Variants in RBFOX3 observed in about 807,000 individuals in gnomAD.
RBFOX3 encodes RNA binding protein fox-1 homolog 3.
Under a neutral mutation model 48.7 loss-of-function variants are expected in RBFOX3, and 17 were observed. The ratio of observed to expected loss-of-function variants is 0.35; its 90% confidence interval spans 0.24 to 0.52. The LOEUF (loss-of-function observed/expected upper bound fraction) is 0.52. Among genes scored for constraint, RBFOX3 ranks in the 20% least tolerant of loss-of-function variants. The pLI is 0.94. For missense variants in RBFOX3, 382 were observed against 497.5 expected, an observed-to-expected ratio of 0.77 and a Z score of 2.21; for synonymous variants, 212 against 209.5, an observed-to-expected ratio of 1.01 and a Z score of -0.10.
chr17:79,645,159 C>T, the RBFOX3 span, among the ~76,000 whole-genome samples: 2 of 152,136 alleles, frequency 1.3e-5, no homozygotes, highest in South Asian at 2.1e-4. Flanking sequence ...GTGAAGCCCC[C>T]GAACGGTCTC....
intron 2 of RBFOX3, among the ~76,000 whole-genome samples, chr17:79,381,292 A>T (rs1716232122): frequency 6.6e-6 from 1 of 151,998 alleles, no homozygotes; most frequent in Non-Finnish European, 1.5e-5. Flanking sequence ...GAAACACGTG[A>T]GATTCATGTT....
At chr17:79,472,798 C>G (rs2077213422) in intron 2 of RBFOX3, among the ~76,000 whole-genome samples, 1 of 152,236 alleles carries the variant, frequency 6.6e-6, no homozygotes, top group African/African-American at 2.4e-5. Context: ...TCAAACGTGA[C>G]AAGTTCTGTG....
chr17:79,426,718 C>T (rs2067462510), intron 2 of RBFOX3, among the ~76,000 whole-genome samples: 2 of 151,420 alleles, frequency 1.3e-5, no homozygotes, highest in African/African-American at 4.9e-5. Context: ...TGTTTTTTTG[C>T]TTTGAGACAG....
chr17:79,373,626 C>T (rs79809207), intron 2 of RBFOX3, among the ~76,000 whole-genome samples: 2,788 of 148,626 alleles, frequency 0.019, 84 homozygotes, highest in African/African-American at 0.064. Context: ...TTTTACAGCC[C>T]ACACTGGAGG....
At chr17:79,328,799 T>C (rs924285338) in intron 2 of RBFOX3, among the ~76,000 whole-genome samples, 2 of 152,166 alleles carry the variant, frequency 1.3e-5, no homozygotes, top group African/African-American at 2.4e-5. Flanking sequence ...TCCTGCACTT[T>C]GTAAAATTAA....
At chr17:79,512,889 C>T (rs1201654607) in intron 1 of RBFOX3, among the ~76,000 whole-genome samples, 15 of 148,292 alleles carry the variant, frequency 1.0e-4, no homozygotes, top group South Asian at 2.2e-4. Context: ...GTATTACCAT[C>T]GGCTACGGCC....
intron 4 of RBFOX3, among the ~76,000 whole-genome samples, chr17:79,215,028 A>G (rs1276296150): frequency 6.6e-6 from 1 of 152,098 alleles, no homozygotes; most frequent in Non-Finnish European, 1.5e-5. Flanking sequence ...CAGCGGCTGC[A>G]GGGCTTGGGG....
At chr17:79,213,204 T>C (rs1472761855) in intron 4 of RBFOX3, among the ~76,000 whole-genome samples, 4 of 152,186 alleles carry the variant, frequency 2.6e-5, no homozygotes, top group African/African-American at 9.7e-5. Context: ...AAAGTTCCCC[T>C]GTTTCTCTTG....
At chr17:79,645,078 C>A in the RBFOX3 span, among the ~76,000 whole-genome samples, 2 of 152,202 alleles carry the variant, frequency 1.3e-5, no homozygotes. Context: ...TACTCAGAGT[C>A]TAATCACTTC....
At position 79,457,060 on chromosome 17, in the gene RBFOX3, C is replaced by T. The variant is rs114612668; in HGVS notation, c.-175+25394G>A. Among the ~76,000 whole-genome samples, 769 of 152,328 alleles carry T rather than the reference C, an allele frequency of 5.0e-3. 8 individuals carry two copies. Among genetic ancestry groups the T allele is most frequent in the African/African-American group, 0.016 (645 of 41,572 alleles). On this transcript the variant is annotated intron_variant, in intron 2 of 14. Coordinates refer to ENST00000693108, the MANE Select transcript of RBFOX3 (RefSeq NM_001350451.2). ...GATAGGTTGACACAGATGACACACA[C>T]GTGGCACAGGTGTAGACAGGCAGGG...
chr17:79,483,011 G>C (rs1216567135), intron 1 of RBFOX3, among the ~76,000 whole-genome samples: 3 of 151,424 alleles, frequency 2.0e-5, no homozygotes, highest in African/African-American at 7.3e-5. Flanking sequence ...ACCCACCACT[G>C]TCCGCACTCT....
rs904930891 is a variant in RBFOX3, at chr17:79,252,504, G to T, written c.-73-16699C>A. 6.6e-6 allele frequency among the ~76,000 whole-genome samples: 1 copy of T among 152,108 alleles called. No individual in the cohort carries two copies. Among genetic ancestry groups the T allele is most frequent in the African/African-American group, 2.4e-5 (1 of 41,406 alleles). Reference sequence around the variant, plus strand: ...TCATTGACTGTCAGTTTGACCCAAGGAGTTCGGGGGCCTCTAGAGGCTGGA... The same window carrying T: ...TCATTGACTGTCAGTTTGACCCAAGTAGTTCGGGGGCCTCTAGAGGCTGGA... On this transcript the variant is annotated intron_variant, in intron 3 of 14. Coordinates refer to ENST00000693108, the MANE Select transcript of RBFOX3 (RefSeq NM_001350451.2). This position sits in a 1 kb window ranked among gnomAD's most constrained non-coding sequence, Gnocchi z 4.0.
intron 3 of RBFOX3, among the ~76,000 whole-genome samples, chr17:79,303,009 G>A (rs940309017): frequency 2.0e-5 from 3 of 152,126 alleles, no homozygotes; most frequent in African/African-American, 2.4e-5. Flanking sequence ...TTTGAGGCTG[G>A]CTTGGGCAAC....
intron 2 of RBFOX3, among the ~76,000 whole-genome samples, chr17:79,469,838 G>A (rs1029976598): frequency 9.9e-5 from 15 of 152,206 alleles, no homozygotes; most frequent in Non-Finnish European, 1.2e-4. Flanking sequence ...GGGGGAGCAC[G>A]TGCACGGAGG....
At chr17:79,247,370 T>A (rs2063327407) in intron 3 of RBFOX3, among the ~76,000 whole-genome samples, 1 of 144,486 alleles carries the variant, frequency 6.9e-6, no homozygotes, top group Non-Finnish European at 1.5e-5. Context: ...TGGAGTGCAG[T>A]GGCACCATCT....
intron 2 of RBFOX3, among the ~76,000 whole-genome samples, chr17:79,442,610 T>A (rs2071376128): frequency 6.6e-6 from 1 of 152,122 alleles, no homozygotes; most frequent in African/African-American, 2.4e-5. Context: ...AGGACTCTGC[T>A]ACAATTGTGT....
At chr17:79,465,328 G>A (rs971109087) in intron 2 of RBFOX3, among the ~76,000 whole-genome samples, 8 of 152,116 alleles carry the variant, frequency 5.3e-5, no homozygotes, top group Admixed American at 1.3e-4. Context: ...TTATAATCCC[G>A]AAAACATCTT....
intron 1 of RBFOX3, among the ~76,000 whole-genome samples, chr17:79,609,852 C>G (rs2093929728): frequency 6.6e-6 from 1 of 152,074 alleles, no homozygotes. Context: ...TCGCGCCACC[C>G]CGAGACGCCA....
At chr17:79,225,260 C>T (rs1015108918) in intron 4 of RBFOX3, among the ~76,000 whole-genome samples, 3 of 151,472 alleles carry the variant, frequency 2.0e-5, no homozygotes, top group Non-Finnish European at 4.4e-5. Context: ...GGCCAGTCCC[C>T]TCCCCAGCAC....
Sources: gnomAD v4.1 joint callset for allele counts (sites outside exome capture counted in the v4.1 genomes callset) on GRCh38, gnomAD v4.1.1 for gene constraint, Gnocchi (gnomAD v3.1) non-coding constraint, MANE v1.5 for transcripts, NCBI Gene and HGNC (gene_info 2026-07-23, HGNC 2026-07-21) for gene names.